Variants in EPB41L5 observed in about 807,000 individuals in gnomAD.
EPB41L5 encodes erythrocyte membrane protein band 4.1 like 5.
EPB41L5 carries 55 observed loss-of-function variants against 106.6 expected under a neutral mutation model. The observed-to-expected ratio is 0.52, with a 90% CI of 0.42 to 0.65. EPB41L5 has a LOEUF of 0.65. EPB41L5 is among the 30% of genes least tolerant of loss of function. The pLI is 0.00. For synonymous variants in EPB41L5, 297 were observed against 306.7 expected (o/e 0.97, Z 0.33); for missense variants, 871 against 882.1 (o/e 0.99, Z 0.16).
At chr2:120,042,711 G>A (rs1318760877) in intron 3 of EPB41L5, among the ~76,000 whole-genome samples, 2 of 151,974 alleles carry the variant, frequency 1.3e-5, no homozygotes. Flanking sequence ...GTGGTTTAGT[G>A]GTTATATCAT....
chr2:120,168,135 TC>T (rs1687500230), intron 24 of EPB41L5, 128 bp downstream of exon 24: 1 of 1,096,144 alleles, frequency 9.1e-7, no homozygotes, highest in Non-Finnish European at 1.3e-6. Flanking sequence ...ATGGGGCAAA[TC>T]TTTTTTCTGT....
At chr2:120,038,881 C>T (rs554353392) in intron 2 of EPB41L5, among the ~76,000 whole-genome samples, 1 of 152,172 alleles carries the variant, frequency 6.6e-6, no homozygotes, top group African/African-American at 2.4e-5. Flanking sequence ...CACCAGTGTT[C>T]GTGGCAGCAT....
chr2:120,144,180 C>T (rs997429499), intron 19 of EPB41L5, among the ~76,000 whole-genome samples: 1 of 152,080 alleles, frequency 6.6e-6, no homozygotes, highest in Non-Finnish European at 1.5e-5. Flanking sequence ...ACAGATGGGG[C>T]CTTTGGTAGA....
chr2:120,097,239 C>T (rs1027893630), intron 14 of EPB41L5, among the ~76,000 whole-genome samples: 11 of 151,956 alleles, frequency 7.2e-5, no homozygotes, highest in African/African-American at 2.7e-4. Flanking sequence ...TAGTGGGGGA[C>T]CCAACTCTCC....
At chr2:120,061,030 A>ATTTTTTT (rs1487982867) in intron 3 of EPB41L5, among the ~76,000 whole-genome samples, 3 of 63,156 alleles carry the variant, frequency 4.8e-5, no homozygotes, top group African/African-American at 1.5e-4. Flanking sequence ...GGTTCAGGGA[A>ATTTTTTT]GTTTTTTTTT....
chr2:120,145,111 G>A (rs1414469672), intron 19 of EPB41L5, among the ~76,000 whole-genome samples: 1 of 152,196 alleles, frequency 6.6e-6, no homozygotes, highest in Non-Finnish European at 1.5e-5. Context: ...TGATGATAGA[G>A]CTCCTGTGGT....
chr2:120,032,251 G>A (rs76956579), intron 2 of EPB41L5, among the ~76,000 whole-genome samples: 5 of 152,058 alleles, frequency 3.3e-5, no homozygotes, highest in Non-Finnish European at 5.9e-5. Context: ...CCTGGTGGGC[G>A]CCTGTAATCC....
Position 120,019,219 on chromosome 2 carries a change from T to C in EPB41L5, c.135T>C (p.Cys45=). ...AAGDSKSIIT[C]RVSLLDGTDV... ...GAGATTCTAAGTCCATCATCACGTGTCGGGTGTCCCTTCTGGATGGTACTG... is the reference window on the plus strand; with the variant it reads ...GAGATTCTAAGTCCATCATCACGTGCCGGGTGTCCCTTCTGGATGGTACTG... Residue 45 remains cysteine (C), a synonymous_variant, in exon 2 of 25, where the codon TGT becomes TGC. Coordinates refer to ENST00000263713, the MANE Select transcript of EPB41L5 (RefSeq NM_020909.4). 1 of 1,613,972 alleles carries C rather than the reference T, an allele frequency of 6.2e-7. No individual in the cohort carries two copies. The highest frequency in any genetic ancestry group is 8.5e-7 in the Non-Finnish European group (1 of 1,179,996).
chr2:120,039,568 G>A (rs1000790860), intron 2 of EPB41L5, among the ~76,000 whole-genome samples: 2 of 152,104 alleles, frequency 1.3e-5, no homozygotes, highest in African/African-American at 4.8e-5. Context: ...GCTCACACCT[G>A]TAATCCCAGC....
At chr2:120,086,706 A>G (rs562411892) in intron 10 of EPB41L5, among the ~76,000 whole-genome samples, 1 of 152,326 alleles carries the variant, frequency 6.6e-6, no homozygotes, top group South Asian at 2.1e-4. Context: ...ACACTACTGC[A>G]GTCCACCCTG....
intron 4 of EPB41L5, among the ~76,000 whole-genome samples, chr2:120,073,788 A>G (rs576217480): frequency 6.6e-6 from 1 of 152,312 alleles, no homozygotes; most frequent in Admixed American, 6.5e-5. Flanking sequence ...AGTTAATAAC[A>G]TAGGCATTCT....
chr2:120,076,141 C>T (rs1232475580), intron 7 of EPB41L5, among the ~76,000 whole-genome samples: 1 of 152,168 alleles, frequency 6.6e-6, no homozygotes, highest in Non-Finnish European at 1.5e-5. Context: ...CAGATGAGTA[C>T]ATACATGTTT....
chr2:120,125,339 C>T (rs951215920), intron 16 of EPB41L5, among the ~76,000 whole-genome samples: 1 of 152,170 alleles, frequency 6.6e-6, no homozygotes, highest in African/African-American at 2.4e-5. Flanking sequence ...CAACTGCCGG[C>T]CTTTTCCCTC....
chr2:120,144,573 A>G (rs908955977), intron 19 of EPB41L5, among the ~76,000 whole-genome samples: 2 of 152,200 alleles, frequency 1.3e-5, no homozygotes, highest in East Asian at 1.9e-4. Context: ...TCCAGGATCA[A>G]ATACCTTCAT....
chr2:120,147,462 T>A (rs996909358), intron 20 of EPB41L5, among the ~76,000 whole-genome samples: 2 of 151,700 alleles, frequency 1.3e-5, no homozygotes, highest in African/African-American at 4.8e-5. Context: ...CCGTCTCTAC[T>A]AAAAATACGA....
chr2:120,050,820 A>C (rs6714038), intron 3 of EPB41L5, among the ~76,000 whole-genome samples: 1 of 151,976 alleles, frequency 6.6e-6, no homozygotes, highest in South Asian at 2.1e-4. Context: ...TGATGGTGAC[A>C]TACAGATGGG....
At chr2:120,134,462 A>G (rs1027709322) in intron 18 of EPB41L5, among the ~76,000 whole-genome samples, 2 of 152,132 alleles carry the variant, frequency 1.3e-5, no homozygotes, top group Non-Finnish European at 2.9e-5. Flanking sequence ...TTGGCCAAAC[A>G]ATAGTCACCA....
chr2:120,142,082 C>T (rs1686194834), intron 18 of EPB41L5, among the ~76,000 whole-genome samples: 1 of 147,918 alleles, frequency 6.8e-6, no homozygotes. Flanking sequence ...CATCCCTCCT[C>T]TCTGCAACTT....
At chr2:120,048,246 C>T (rs992640627) in intron 3 of EPB41L5, among the ~76,000 whole-genome samples, 4 of 152,298 alleles carry the variant, frequency 2.6e-5, no homozygotes, top group Admixed American at 1.3e-4. Flanking sequence ...ACCAGCTCCT[C>T]TTTGTACCTC....
Sources: allele counts gnomAD v4.1 joint callset (sites outside exome capture counted in the v4.1 genomes callset), GRCh38; gene constraint gnomAD v4.1.1; transcripts MANE v1.5; gene names NCBI Gene and HGNC (gene_info 2026-07-23, HGNC 2026-07-21).